The following ZNF678 variants were observed in gnomAD, a reference collection of about 807,000 sequenced individuals.
ZNF678 encodes the protein hypothetical protein MGC42493.
ZNF678 carries 5 observed loss-of-function variants against 3.0 expected under a neutral mutation model. That is an observed-to-expected ratio of 1.69 (90% CI 0.88 to 3.56). ZNF678 has a LOEUF of 3.56. ZNF678 is among the 30% of genes most tolerant of loss of function. ZNF678 has a pLI of 0.00. For synonymous variants in ZNF678, 218 were observed against 199.6 expected (o/e 1.09, Z -0.78); for missense variants, 593 against 605.0 (o/e 0.98, Z 0.21).
chr1:227,576,792 A>G (rs1278843274), intron 1 of ZNF678, among the ~76,000 whole-genome samples: 1 of 151,800 alleles, frequency 6.6e-6, no homozygotes, highest in Admixed American at 6.6e-5. Flanking sequence ...TGGGATTTGT[A>G]CTTGGTTCTC....
intron 1 of ZNF678, among the ~76,000 whole-genome samples, chr1:227,643,841 A>G (rs1340813554): frequency 1.4e-5 from 2 of 146,516 alleles, no homozygotes; most frequent in Admixed American, 6.8e-5. Context: ...TTTATTTTAT[A>G]TATTTTCTTT....
At chr1:227,584,540 C>T (rs1657210054) in intron 1 of ZNF678, among the ~76,000 whole-genome samples, 1 of 152,198 alleles carries the variant, frequency 6.6e-6, no homozygotes, top group African/African-American at 2.4e-5. Flanking sequence ...TTACAAATTA[C>T]ATGTCAAACA....
At position 227,655,759 on chromosome 1, in the gene ZNF678, C is replaced by A. The variant is rs1287608482; in HGVS notation, c.1509C>A (p.Ile503=). Residue 503 remains isoleucine, a synonymous_variant, in exon 4 of 4, where the codon ATC becomes ATA. Coordinates refer to ENST00000343776, the MANE Select transcript of ZNF678 (RefSeq NM_001367909.1). The part of the protein sequence containing the change: ...ECGKGFYQSS[I]HSKYKRIYTG... The stretch of plus-strand genomic sequence containing the variant: ...GAAAAGGTTTTTACCAATCCTCAAT[C>A]CATAGTAAGTATAAGAGAATTTATA... 2 of 1,610,876 alleles carry A rather than the reference C, an allele frequency of 1.2e-6. No individual in the cohort carries two copies. Among genetic ancestry groups the A allele is most frequent in the Non-Finnish European group, 1.7e-6 (2 of 1,178,438 alleles).
At chr1:227,663,926 C>T (rs958588945), downstream of ZNF678, among the ~76,000 whole-genome samples, 2 of 152,290 alleles carry the variant, frequency 1.3e-5, no homozygotes, top group African/African-American at 2.4e-5. Flanking sequence ...TAGATATGCT[C>T]GGTGGCATGG....
Position 227,654,748 on chromosome 1 carries a change from A to G in ZNF678, c.498A>G (p.Ser166=). 3.7e-6 allele frequency: 6 copies of G among 1,613,162 alleles called. No homozygotes were observed. Among genetic ancestry groups the G allele is most frequent in the Non-Finnish European group, 5.1e-6 (6 of 1,179,362 alleles). ...DECGKVFNWW[S]QLTNHKKIHT... Reference sequence around the variant, plus strand: ...GTGGCAAAGTTTTTAATTGGTGGTCACAACTAACTAACCATAAGAAAATTC... The same window carrying G: ...GTGGCAAAGTTTTTAATTGGTGGTCGCAACTAACTAACCATAAGAAAATTC... Residue 166 remains serine (S), a synonymous_variant, in exon 4 of 4, where the codon TCA becomes TCG. Transcript: ENST00000343776.
intron 1 of ZNF678, among the ~76,000 whole-genome samples, chr1:227,581,261 A>G (rs141376275): frequency 6.4e-4 from 98 of 152,064 alleles, no homozygotes; most frequent in African/African-American, 2.2e-3. Flanking sequence ...TTATAAGTAT[A>G]TAGCTTGATA....
At position 227,657,453 on chromosome 1, in the gene ZNF678, T is replaced by C. The variant is rs1659279544; in HGVS notation, c.*1625T>C. On this transcript the variant is annotated 3_prime_UTR_variant, in exon 4 of 4. Coordinates refer to ENST00000343776, the MANE Select transcript of ZNF678 (RefSeq NM_001367909.1). ...CATAGGTTATATTTTTATTTTTTTC[T>C]TTTGTAAATACTGGACAATGATACT... is the stretch of plus-strand genomic sequence containing the variant. 6.6e-6 allele frequency: 1 copy of C among 151,960 alleles called. No individual in the cohort carries two copies. Among genetic ancestry groups the C allele is most frequent in the African/African-American group, 2.4e-5 (1 of 41,420 alleles). 9.4% of individuals were successfully genotyped at this position (151,960 alleles called of 1,614,324 possible).
intron 1 of ZNF678, among the ~76,000 whole-genome samples, chr1:227,617,744 A>G (rs1658176873): frequency 6.6e-6 from 1 of 152,208 alleles, no homozygotes; most frequent in South Asian, 2.1e-4. Flanking sequence ...ATGAAAGGGA[A>G]TTCTGGAGAA....
chr1:227,569,772 T>C (rs1017829074), intron 1 of ZNF678, among the ~76,000 whole-genome samples: 3 of 152,222 alleles, frequency 2.0e-5, no homozygotes, highest in Admixed American at 6.5e-5. Flanking sequence ...AATTTTGATC[T>C]TCTACGTTTT....
chr1:227,573,905 C>G (rs531327502), intron 1 of ZNF678, among the ~76,000 whole-genome samples: 4 of 152,258 alleles, frequency 2.6e-5, no homozygotes, highest in Admixed American at 2.6e-4. Context: ...CTTCCACTTA[C>G]AAGTGAGAAT....
At chr1:227,597,106 G>A (rs1306941572) in intron 1 of ZNF678, among the ~76,000 whole-genome samples, 1 of 152,180 alleles carries the variant, frequency 6.6e-6, no homozygotes, top group African/African-American at 2.4e-5. Context: ...GATTACTGGT[G>A]TCAGTGATAA....
At chr1:227,573,990 A>G (rs1656923608) in intron 1 of ZNF678, among the ~76,000 whole-genome samples, 1 of 152,226 alleles carries the variant, frequency 6.6e-6, no homozygotes, top group Non-Finnish European at 1.5e-5. Flanking sequence ...AGGTTCCTGC[A>G]AAGGGCATGA....
downstream of ZNF678, among the ~76,000 whole-genome samples, chr1:227,678,655 CCAAT>C (rs957228879): frequency 1.3e-4 from 20 of 152,274 alleles, no homozygotes; most frequent in African/African-American, 4.8e-4. Context: ...GTGCTTTAGT[CCAAT>C]TGGCCATTCC....
At chr1:227,649,904 A>C (rs1203033072) in intron 2 of ZNF678, among the ~76,000 whole-genome samples, 2 of 152,012 alleles carry the variant, frequency 1.3e-5, no homozygotes, top group Non-Finnish European at 2.9e-5. Flanking sequence ...TGAGTTCCTC[A>C]TATATTGTTG....
rs757547874 is a variant in ZNF678, at chr1:227,654,861, G to A, written c.611G>A (p.Ser204Asn). 5.0e-6 allele frequency: 8 copies of A among 1,607,166 alleles called. No individual in the cohort carries two copies. The highest frequency in any genetic ancestry group is 5.9e-6 in the Non-Finnish European group (7 of 1,178,658). Residue 204 changes from serine (S) to asparagine (N), a missense_variant, in exon 4 of 4, where the codon AGT becomes AAT. By Grantham distance (46) the Ser-to-Asn change is conservative. Transcript: ENST00000343776. ...SQLTSHKKIH[S>N]GEKPYPCEEC... ...CTAACTAGCCATAAGAAAATTCATA[G>A]TGGAGAGAAACCATACCCATGTGAA...
downstream of ZNF678, among the ~76,000 whole-genome samples, chr1:227,679,389 TC>T (rs1659731226): frequency 6.6e-6 from 1 of 152,090 alleles, no homozygotes; most frequent in Admixed American, 6.6e-5. Context: ...AGTTAAAAGA[TC>T]GACCCTGGCC....
rs557427313 is a variant in ZNF678, at chr1:227,619,544, C to T, written c.-163-27000C>T. ...TTTTTTGTTTTTCGACGGAGTCTTG[C>T]TCTGTTGCCCAGGCTGGAGTGCAGT... On this transcript the variant is annotated intron_variant, in intron 1 of 3. Transcript: ENST00000343776. 2.0e-5 allele frequency among the ~76,000 whole-genome samples: 3 copies of T among 151,630 alleles called. No individual in the cohort carries two copies. In the South Asian group the frequency reaches 6.3e-4, roughly 32 times the overall value.
intron 2 of ZNF678, among the ~76,000 whole-genome samples, chr1:227,650,427 A>C (rs1405096788): frequency 6.6e-6 from 1 of 152,190 alleles, no homozygotes; most frequent in Non-Finnish European, 1.5e-5. Flanking sequence ...TAAATCAGAA[A>C]GTGTGATGCC....
rs1659230144 is a variant in ZNF678 at position 227,655,749 on chromosome 1, A to C, written c.1499A>C (p.Gln500Pro). Residue 500 changes from glutamine to proline, a missense_variant, in exon 4 of 4, where the codon CAA (glutamine) becomes CCA (proline). Gln to Pro is a moderately conservative substitution (Grantham distance 76). Transcript: ENST00000343776. ...AAAGAATGTGGAAAAGGTTTTTACC[A>C]ATCCTCAATCCATAGTAAGTATAAG... is the stretch of plus-strand genomic sequence containing the variant. ...KCKECGKGFY[Q>P]SSIHSKYKRI... is the part of the protein sequence containing the mutation. 1 of 1,611,740 alleles carries C rather than the reference A, an allele frequency of 6.2e-7. No individual in the cohort carries two copies. The highest frequency in any genetic ancestry group is 1.3e-5 in the African/African-American group (1 of 74,926).
Sources: allele counts gnomAD v4.1 joint callset (sites outside exome capture counted in the v4.1 genomes callset), GRCh38; gene constraint gnomAD v4.1.1; transcripts MANE v1.5; gene names NCBI Gene and HGNC (gene_info 2026-07-23, HGNC 2026-07-21).